CPNE4: variants seen among roughly 807,000 people sequenced by gnomAD.
The protein encoded by CPNE4 is copine-4.
In CPNE4, 25 loss-of-function variants were observed where a neutral mutation model predicts 67.9. That is an observed-to-expected ratio of 0.37 (90% CI 0.27 to 0.51). CPNE4 has a LOEUF of 0.51. Among genes scored for constraint, CPNE4 ranks in the 20% least tolerant of loss-of-function variants. CPNE4 has a pLI of 0.93. For missense variants in CPNE4, 464 were observed against 690.8 expected (o/e 0.67, Z 3.68); for synonymous variants, 242 against 244.9 (o/e 0.99, Z 0.11).
intron 2 of CPNE4, among the ~76,000 whole-genome samples, chr3:131,785,215 G>A (rs576178484): frequency 6.6e-6 from 1 of 152,028 alleles, no homozygotes; most frequent in South Asian, 2.1e-4. Context: ...TGAGTAAACT[G>A]AGGCTTAGGG....
intron 3 of CPNE4, among the ~76,000 whole-genome samples, chr3:131,717,935 TTTC>T (rs1331588183): frequency 4.9e-4 from 68 of 139,556 alleles, no homozygotes; most frequent in African/African-American, 1.6e-3. Context: ...TCTTTCTTTC[TTTC>T]TTTCTTTTCT....
intron 2 of CPNE4, among the ~76,000 whole-genome samples, chr3:131,771,910 T>C (rs1244234929): frequency 6.6e-6 from 1 of 152,150 alleles, no homozygotes; most frequent in African/African-American, 2.4e-5. Context: ...TTTGTTTGTT[T>C]GTTTGAGCAC....
chr3:131,691,569 G>A (rs1475921770), intron 5 of CPNE4, among the ~76,000 whole-genome samples: 2 of 152,030 alleles, frequency 1.3e-5, no homozygotes, highest in Non-Finnish European at 2.9e-5. Flanking sequence ...GGGGAGCAAG[G>A]GCTGAAAAAC....
chr3:131,983,754 T>C (rs2072969032), intron 1 of CPNE4, among the ~76,000 whole-genome samples: 1 of 152,172 alleles, frequency 6.6e-6, no homozygotes, highest in South Asian at 2.1e-4. Context: ...CTCCAAGATG[T>C]CAGAGACTGA....
chr3:131,589,056 A>G (rs1421416194), intron 7 of CPNE4, among the ~76,000 whole-genome samples: 1 of 152,210 alleles, frequency 6.6e-6, no homozygotes, highest in Admixed American at 6.5e-5. Context: ...TGCTTACTGT[A>G]TTAGTCACGG....
At chr3:131,797,456 G>A (rs2083948110) in intron 2 of CPNE4, among the ~76,000 whole-genome samples, 1 of 152,132 alleles carries the variant, frequency 6.6e-6, no homozygotes, top group African/African-American at 2.4e-5. Context: ...GGCCAAAAGT[G>A]TTCGCTAGAG....
In CPNE4 at chr3:131,978,093, A is replaced by T. The variant is rs766712430; in HGVS notation, c.-2+56474T>A. On this transcript the variant is annotated intron_variant, in intron 1 of 15. Coordinates refer to ENST00000429747, the MANE Select transcript of CPNE4 (RefSeq NM_130808.3). ...AATATATATAAATATATATAAATAT[A>T]TATATAAATATATATAAAATATATA... Among the ~76,000 whole-genome samples the T allele has an allele frequency of 3.0e-3, 161 of 53,176 alleles. 9 individuals are homozygous for T. The highest frequency in any genetic ancestry group is 0.024 in the African/African-American group (147 of 6,022). The allele number at this position is 53,176 out of a possible 152,430, so 34.9% of individuals were successfully genotyped here.
intron 7 of CPNE4, among the ~76,000 whole-genome samples, chr3:131,619,232 C>T (rs112144138): frequency 0.012 from 1,805 of 152,186 alleles, 43 homozygotes; most frequent in African/African-American, 0.041. Flanking sequence ...ATTAAGCCCA[C>T]CATTTTCTTG....
chr3:131,755,635 A>G (rs576524352), intron 2 of CPNE4, among the ~76,000 whole-genome samples: 1 of 152,308 alleles, frequency 6.6e-6, no homozygotes, highest in East Asian at 1.9e-4. Flanking sequence ...AGTGAGTTTG[A>G]CAGGTTTCTT....
At chr3:131,782,288 G>A (rs1238251665) in intron 2 of CPNE4, among the ~76,000 whole-genome samples, 4 of 151,962 alleles carry the variant, frequency 2.6e-5, no homozygotes, top group Non-Finnish European at 5.9e-5. Context: ...CAATGCAAAA[G>A]ATTTTTTATT....
intron 2 of CPNE4, among the ~76,000 whole-genome samples, chr3:131,822,834 TTTTA>T (rs2085007699): frequency 6.6e-6 from 1 of 152,102 alleles, no homozygotes; most frequent in African/African-American, 2.4e-5. Context: ...TTCCTTTTTA[TTTTA>T]TTTATTTATT....
At chr3:131,653,600 G>C (rs369677118) in intron 7 of CPNE4, among the ~76,000 whole-genome samples, 103 of 152,184 alleles carry the variant, frequency 6.8e-4, no homozygotes, top group African/African-American at 2.5e-3. Flanking sequence ...ATTGCTCTCA[G>C]GATAGAAATT....
At chr3:131,560,321 CTG>C (rs1936693950) in intron 11 of CPNE4, among the ~76,000 whole-genome samples, 1 of 152,036 alleles carries the variant, frequency 6.6e-6, no homozygotes, top group Non-Finnish European at 1.5e-5. Context: ...CCGGGTCTAA[CTG>C]TCACCAGTTC....
intron 2 of CPNE4, among the ~76,000 whole-genome samples, chr3:131,789,825 T>C (rs1253393361): frequency 2.6e-5 from 4 of 152,062 alleles, no homozygotes; most frequent in African/African-American, 4.8e-5. Context: ...CCCTGCAGAA[T>C]AGAGAAAATC....
intron 1 of CPNE4, among the ~76,000 whole-genome samples, chr3:131,962,129 T>C (rs1487005499): frequency 2.6e-5 from 4 of 151,960 alleles, no homozygotes; most frequent in Admixed American, 2.6e-4. Flanking sequence ...ACTCCCCTTC[T>C]AACCTGACAA....
intron 6 of CPNE4, among the ~76,000 whole-genome samples, chr3:131,680,484 C>A (rs1041510596): frequency 3.3e-5 from 5 of 151,848 alleles, no homozygotes; most frequent in African/African-American, 1.2e-4. Context: ...TGTCCCCCAG[C>A]TTTTTAACTT....
At chr3:131,669,885 A>T in intron 6 of CPNE4, 121 bp from the exon 7 acceptor site, 1 of 766,032 alleles carries the variant, frequency 1.3e-6, no homozygotes, top group Non-Finnish European at 2.1e-6. Flanking sequence ...AGCCTGGAAG[A>T]GGTGCCTTAA....
chr3:131,839,929 A>T (rs1019817128), intron 2 of CPNE4, among the ~76,000 whole-genome samples: 2 of 152,216 alleles, frequency 1.3e-5, no homozygotes, highest in African/African-American at 4.8e-5. Flanking sequence ...CAGTTCAATT[A>T]TCTATCATGT....
chr3:131,549,220 T>G (rs751294985), intron 14 of CPNE4, among the ~76,000 whole-genome samples: 2 of 152,112 alleles, frequency 1.3e-5, no homozygotes, highest in Non-Finnish European at 2.9e-5. Context: ...GAAGGTTAGA[T>G]GAATTGATGT....
Sources: allele counts gnomAD v4.1 joint callset (sites outside exome capture counted in the v4.1 genomes callset), GRCh38; gene constraint gnomAD v4.1.1; transcripts MANE v1.5; gene names NCBI Gene and HGNC (gene_info 2026-07-23, HGNC 2026-07-21).